The following GSK3A variants were observed in gnomAD, a reference collection of about 807,000 sequenced individuals.
GSK3A encodes the protein glycogen synthase kinase-3 alpha.
GSK3A carries 14 observed loss-of-function variants against 56.6 expected under a neutral mutation model. The observed-to-expected ratio is 0.25, with a 90% CI of 0.16 to 0.39. The LOEUF is 0.39. GSK3A is among the 10% of genes least tolerant of loss of function. GSK3A has a pLI of 1.00. For synonymous variants in GSK3A, 301 were observed against 285.0 expected, an observed-to-expected ratio of 1.06 and a Z score of -0.56; for missense variants, 450 against 656.0, an observed-to-expected ratio of 0.69 and a Z score of 3.43.
chr19:42,241,998 T>A, intron 1 of GSK3A, 185 bp downstream of exon 1: 1 of 436,314 alleles, frequency 2.3e-6, no homozygotes, highest in Non-Finnish European at 3.9e-6. Flanking sequence ...CCACGAGTAA[T>A]TCTGATCTCC....
rs1457220467 is a variant in GSK3A at position 42,242,517 on chromosome 19, A to AGCCGCCGCCGCT, written c.-64_-53dup. The AGCCGCCGCCGCT allele has an allele frequency of 9.9e-7, 1 of 1,010,552 alleles. No individual in the cohort carries two copies. The highest frequency in any genetic ancestry group is 1.2e-6 in the Non-Finnish European group (1 of 842,490). The allele number at this position is 1,010,552 out of a possible 1,614,324, so 62.6% of individuals were successfully genotyped here. A position where few individuals can be genotyped will look rare whatever the true frequency, so the allele number is the denominator to read the frequency against. On this transcript the variant is annotated 5_prime_UTR_variant, in exon 1 of 11. Coordinates refer to ENST00000222330, the MANE Select transcript of GSK3A (RefSeq NM_019884.3). ...GGGCTCGGGCTGCCCGGGCTGCCCC[A>AGCCGCCGCCGCT]GCCGCCGCCGCTGCCGCCGCCTCCC...
In GSK3A at chr19:42,236,571, G is replaced by A. The variant is rs375590894; in HGVS notation, c.666+35C>T. Reference sequence around the variant, plus strand: ...GAGGCTCCAGAGCCCCTGGCTTTGTGGGCCTGGGTCCCAGCAGCCCACCTG... The same window carrying A: ...GAGGCTCCAGAGCCCCTGGCTTTGTAGGCCTGGGTCCCAGCAGCCCACCTG... On this transcript the variant is annotated intron_variant, in intron 4 of 10. Transcript: ENST00000222330. 2.2e-4 allele frequency: 280 copies of A among 1,297,402 alleles called. 1 individual carries two copies. Among genetic ancestry groups the A allele is most frequent in the South Asian group, 4.2e-4 (36 of 84,760 alleles). 80.4% of individuals were successfully genotyped at this position (1,297,402 alleles called of 1,614,324 possible). A position where few individuals can be genotyped will look rare whatever the true frequency, so the allele number is the denominator to read the frequency against.
intron 9 of GSK3A, 43 bp downstream of exon 9, chr19:42,232,453 C>T: frequency 6.3e-7 from 1 of 1,582,376 alleles, no homozygotes; most frequent in Non-Finnish European, 8.6e-7. Context: ...TTGGCTGCCC[C>T]CCTACCCCGC....
At chr19:42,235,890 G>A (rs2036253918) in intron 4 of GSK3A, among the ~76,000 whole-genome samples, 6 of 152,158 alleles carry the variant, frequency 3.9e-5, no homozygotes, top group Admixed American at 3.9e-4. Context: ...TGGGAAGTGA[G>A]GTCCAACAGC....
At chr19:42,236,820 G>A (rs770869766) in intron 3 of GSK3A, 38 bp downstream of exon 3, 31 of 1,539,448 alleles carry the variant, frequency 2.0e-5, no homozygotes, top group Non-Finnish European at 2.4e-5. Context: ...GCAGGAAAAT[G>A]GCTGGAGCAA....
In GSK3A at chr19:42,242,588, C is replaced by G; in HGVS notation, c.-123G>C. 1.2e-6 allele frequency: 1 copy of G among 837,716 alleles called. No individual in the cohort carries two copies. The highest frequency in any genetic ancestry group is 1.6e-6 in the Non-Finnish European group (1 of 637,580). 51.9% of individuals were successfully genotyped at this position (837,716 alleles called of 1,614,324 possible). A position where few individuals can be genotyped will look rare whatever the true frequency, so the allele number is the denominator to read the frequency against. ...GGCCGCGCCGCTCTGGCTTGGGCTCCGGCTCCGGCCCAGCGCCCGCCGCGG... is the reference window on the plus strand; with the variant it reads ...GGCCGCGCCGCTCTGGCTTGGGCTCGGGCTCCGGCCCAGCGCCCGCCGCGG... On this transcript the variant is annotated 5_prime_UTR_variant, in exon 1 of 11. Transcript: ENST00000222330.
At chr19:42,242,148 A>AGG in intron 1 of GSK3A, 35 bp downstream of exon 1, 3 of 1,321,658 alleles carry the variant, frequency 2.3e-6, no homozygotes, top group Non-Finnish European at 2.9e-6. Flanking sequence ...TGGGAACCCT[A>AGG]ATCACCACCC....
In GSK3A at chr19:42,230,576, T is replaced by C; in HGVS notation, c.*218A>G. ...TCCTCATCCCCCCAACACCCTGTCC[T>C]TCTCTTCCCTCCCCACAACCAGTTA... is the stretch of plus-strand genomic sequence containing the variant. On this transcript the variant is annotated 3_prime_UTR_variant, in exon 11 of 11. Transcript: ENST00000222330. 1.7e-6 allele frequency: 1 copy of C among 582,944 alleles called. No individual in the cohort carries two copies. Among genetic ancestry groups the C allele is most frequent in the East Asian group, 2.8e-5 (1 of 35,348 alleles). 36.1% of individuals were successfully genotyped at this position (582,944 alleles called of 1,614,324 possible). A position where few individuals can be genotyped will look rare whatever the true frequency, so the allele number is the denominator to read the frequency against.
intron 8 of GSK3A, 82 bp from the exon 9 acceptor site, chr19:42,232,764 G>A: frequency 1.6e-6 from 2 of 1,219,762 alleles, no homozygotes; most frequent in South Asian, 3.1e-5. Flanking sequence ...CACAGTGCCT[G>A]CGGCAAGTTA....
chr19:42,240,437 T>TG, intron 1 of GSK3A: 1 of 573,372 alleles, frequency 1.7e-6, no homozygotes, highest in South Asian at 2.2e-5. Context: ...AACAGATCAC[T>TG]GGTCCATCTT....
Position 42,233,144 on chromosome 19 carries a change from T to C in GSK3A, c.1064A>G (p.Lys355Arg). 2 of 1,607,416 alleles carry C rather than the reference T, an allele frequency of 1.2e-6. No individual in the cohort carries two copies. The highest frequency in any genetic ancestry group is 1.7e-6 in the Non-Finnish European group (2 of 1,176,300). Residue 355 changes from lysine (K) to arginine (R), a missense_variant, in exon 8 of 11, where the codon AAG (lysine) becomes AGG (arginine). Lys to Arg is a conservative substitution (Grantham distance 26). Transcript: ENST00000222330. ...GGGGTGAGCTTTAATCTGAGGGAAC[T>C]TGAACTCCGTGTAGTTGGGGTTCAT... ...REMNPNYTEF[K>R]FPQIKAHPWT...
chr19:42,241,515 G>A (rs1028529242), intron 1 of GSK3A: 1 of 152,188 alleles, frequency 6.6e-6, no homozygotes, highest in Non-Finnish European at 1.5e-5. Flanking sequence ...ATGGACTATG[G>A]ACTTGGTTTG....
intron 2 of GSK3A, among the ~76,000 whole-genome samples, chr19:42,238,950 C>T (rs1381120187): frequency 1.3e-5 from 2 of 151,804 alleles, no homozygotes; most frequent in Non-Finnish European, 2.9e-5. Flanking sequence ...GCCTGGGTGA[C>T]AGAGTAAGAC....
rs1211020244 is a variant in GSK3A, at chr19:42,242,194, A to T, written c.272T>A (p.Val91Glu). ...GAGTSFPPPGVKLGRDSGKVT... is the reference protein window; with the variant it reads ...GAGTSFPPPGEKLGRDSGKVT... ...CCACTAGTACTCACGGCCCAGCTTC[A>T]CCCCGGGCGGCGGGAAGCTAGTGCC... The change falls in exon 1 of 11, where the codon GTG (valine) becomes GAG (glutamate). Residue 91 changes from valine (V) to glutamate (E), a missense_variant. By Grantham distance (121) the Val-to-Glu change is moderately radical. This residue lies in a region of GSK3A where 193 missense variants were observed against 200.5 expected (regional missense o/e 0.96). Coordinates refer to ENST00000222330, the MANE Select transcript of GSK3A (RefSeq NM_019884.3). 3 of 1,425,548 alleles carry T rather than the reference A, an allele frequency of 2.1e-6. No individual in the cohort carries two copies. Among genetic ancestry groups the T allele is most frequent in the Non-Finnish European group, 2.7e-6 (3 of 1,093,476 alleles). 88.3% of individuals were successfully genotyped at this position (1,425,548 alleles called of 1,614,324 possible).
rs191506262 is a variant in GSK3A at position 42,234,937 on chromosome 19, G to A, written c.667-259C>T. 2.0e-5 allele frequency among the ~76,000 whole-genome samples: 3 copies of A among 152,232 alleles called. No individual in the cohort carries two copies. Among genetic ancestry groups the A allele is most frequent in the East Asian group, 3.9e-4 (2 of 5,182 alleles). ...ATTTTGGGAGGCCAAGACCAGCCTC[G>A]CCAACATGTTGAGATCCCGTCTCTA... On this transcript the variant is annotated intron_variant, in intron 4 of 10. Coordinates refer to ENST00000222330, the MANE Select transcript of GSK3A (RefSeq NM_019884.3). The surrounding 1 kb of genome is among the most constrained non-coding windows in gnomAD (Gnocchi z 5.7).
intron 2 of GSK3A, 54 bp from the exon 3 acceptor site, chr19:42,236,995 C>T (rs1222583079): frequency 6.5e-6 from 8 of 1,229,002 alleles, no homozygotes; most frequent in Non-Finnish European, 9.6e-6. Context: ...GGCTGCTCCT[C>T]CCTACTCACA....
intron 2 of GSK3A, among the ~76,000 whole-genome samples, chr19:42,237,321 G>C (rs1482334708): frequency 1.3e-5 from 2 of 151,772 alleles, no homozygotes; most frequent in African/African-American, 4.8e-5. Flanking sequence ...ACCACGCCCA[G>C]CTAATTTTTG....
intron 4 of GSK3A, among the ~76,000 whole-genome samples, chr19:42,235,418 A>T (rs929305083): frequency 6.6e-6 from 1 of 151,868 alleles, no homozygotes; most frequent in African/African-American, 2.4e-5. Flanking sequence ...CTCCAGCTCC[A>T]TTTTCCTGCC....
chr19:42,235,738 C>T lies in GSK3A; in HGVS notation c.666+868G>A, dbSNP rs183438304. ...TTCATTTAATAGTTTTCTGTGATGA[C>T]GCCTTTCTACCCTACCAAACTGAGA... On this transcript the variant is annotated intron_variant, in intron 4 of 10. Transcript: ENST00000222330. 2.6e-5 allele frequency among the ~76,000 whole-genome samples: 4 copies of T among 152,304 alleles called. No individual in the cohort carries two copies. The East Asian group carries it at 5.8e-4, about 22-fold the overall frequency.
Sources: allele counts gnomAD v4.1 joint callset (sites outside exome capture counted in the v4.1 genomes callset), GRCh38; gene constraint gnomAD v4.1.1; regional missense constraint gnomAD v4.1.1; non-coding constraint Gnocchi (gnomAD v3.1); transcripts MANE v1.5; gene names NCBI Gene and HGNC (gene_info 2026-07-23, HGNC 2026-07-21).